SOX5: variants seen among roughly 807,000 people sequenced by gnomAD.
SOX5 encodes SRY-box transcription factor 5, also known as transcription factor SOX-5.
Under a neutral mutation model 92.0 loss-of-function variants are expected in SOX5, and 9 were observed. The ratio of observed to expected loss-of-function variants is 0.10; its 90% CI spans 0.06 to 0.17. The LOEUF (loss-of-function observed/expected upper bound fraction) is 0.17, where lower values mean the gene tolerates loss of function less well. SOX5 is among the 10% of genes least tolerant of loss of function. The probability of loss-of-function intolerance (pLI) is 1.00; values close to 1 mark genes in which losing one functional copy is unlikely to be tolerated. For synonymous variants in SOX5, 344 were observed against 336.3 expected (o/e 1.02, Z -0.25); for missense variants, 642 against 944.5 (o/e 0.68, Z 4.20).
At chr12:24,526,520 T>TTTCTTTC in intron 1 of SOX5, among the ~76,000 whole-genome samples, 1 of 152,194 alleles carries the variant, frequency 6.6e-6, no homozygotes, top group Non-Finnish European at 1.5e-5. Context: ...CAAGAAGTTC[T>TTTCTTTC]CTTTCTTGTT....
chr12:24,413,339 G>T (rs1472290974), intron 1 of SOX5, among the ~76,000 whole-genome samples: 1 of 152,086 alleles, frequency 6.6e-6, no homozygotes, highest in Admixed American at 6.5e-5. Context: ...TTGCTCAAAA[G>T]AATATTATAT....
At chr12:24,548,464 G>T (rs1036925727) in intron 1 of SOX5, among the ~76,000 whole-genome samples, 1 of 152,160 alleles carries the variant, frequency 6.6e-6, no homozygotes, top group African/African-American at 2.4e-5. Context: ...ACAAAAGGAA[G>T]ACATAAAGAG....
chr12:24,467,933 A>G (rs937047667), intron 1 of SOX5, among the ~76,000 whole-genome samples: 1 of 149,852 alleles, frequency 6.7e-6, no homozygotes, highest in African/African-American at 2.5e-5. Flanking sequence ...GTAGAAACTA[A>G]CTAGTCTGTG....
At chr12:24,218,412 AT>A (rs1253985852) in intron 3 of SOX5, among the ~76,000 whole-genome samples, 1 of 152,204 alleles carries the variant, frequency 6.6e-6, no homozygotes, top group African/African-American at 2.4e-5. Flanking sequence ...AGTATAAGAA[AT>A]GTCCAAAATA....
intron 3 of SOX5, among the ~76,000 whole-genome samples, chr12:23,826,727 G>C (rs952103129): frequency 6.6e-6 from 1 of 151,918 alleles, no homozygotes. Context: ...AAGGAAAACA[G>C]AACTCCAAAT....
intron 2 of SOX5, among the ~76,000 whole-genome samples, chr12:23,868,435 T>C (rs2096838281): frequency 6.6e-6 from 1 of 152,128 alleles, no homozygotes; most frequent in African/African-American, 2.4e-5. Context: ...GTAAGAAAAG[T>C]AGCAATATAG....
upstream of SOX5, among the ~76,000 whole-genome samples, chr12:23,953,068 T>C (rs1945862528): frequency 1.3e-5 from 2 of 152,164 alleles, no homozygotes; most frequent in East Asian, 3.8e-4. Flanking sequence ...ATACTGTATA[T>C]GATGGTTTAA....
At chr12:24,389,479 G>A (rs972434054) in intron 1 of SOX5, among the ~76,000 whole-genome samples, 1 of 152,138 alleles carries the variant, frequency 6.6e-6, no homozygotes, top group Non-Finnish European at 1.5e-5. Flanking sequence ...TTAGGTAAAC[G>A]TATGCCATGG....
chr12:24,370,635 T>C (rs1451027330), intron 1 of SOX5, among the ~76,000 whole-genome samples: 2 of 151,272 alleles, frequency 1.3e-5, no homozygotes, highest in African/African-American at 4.9e-5. Context: ...CTACTAAAAA[T>C]ACGAAAATTA....
At chr12:24,244,177 T>C (rs1008851076) in intron 3 of SOX5, among the ~76,000 whole-genome samples, 3 of 152,196 alleles carry the variant, frequency 2.0e-5, no homozygotes, top group African/African-American at 7.2e-5. Context: ...TGAACTTCTA[T>C]AACTTTGAGC....
chr12:24,151,229 G>C (rs1951622720), intron 4 of SOX5, among the ~76,000 whole-genome samples: 1 of 152,050 alleles, frequency 6.6e-6, no homozygotes. Context: ...ATGAGACCTG[G>C]TTAGAGGAGG....
rs1374208068 is a variant in SOX5, at chr12:24,298,533, G to C, written c.-173-21221C>G. Reference sequence around the variant, plus strand: ...TCAATGGAGATGAGTAATAGGGCCAGGTATTAGTTATGTAGAAATGTTATA... The same window carrying C: ...TCAATGGAGATGAGTAATAGGGCCACGTATTAGTTATGTAGAAATGTTATA... On this transcript the variant is annotated intron_variant, in intron 2 of 4. Transcript: ENST00000446891. 2.6e-5 allele frequency among the ~76,000 whole-genome samples: 4 copies of C among 152,054 alleles called. No individual in the cohort carries two copies. In the East Asian group the frequency reaches 7.7e-4, roughly 29 times the overall value.
chr12:24,230,601 G>GGA (rs1259814775), intron 3 of SOX5: 1 of 152,190 alleles, frequency 6.6e-6, no homozygotes, highest in Non-Finnish European at 1.5e-5. Flanking sequence ...CTCCGAGGAA[G>GGA]GAGAGAGAGA....
intron 7 of SOX5, among the ~76,000 whole-genome samples, chr12:23,645,677 A>C (rs2080742414): frequency 6.6e-6 from 1 of 152,224 alleles, no homozygotes; most frequent in Non-Finnish European, 1.5e-5. Context: ...TTATTCCATA[A>C]AATTTAAAAA....
chr12:24,136,462 C>T (rs2138582964), intron 4 of SOX5, among the ~76,000 whole-genome samples: 1 of 152,362 alleles, frequency 6.6e-6, no homozygotes, highest in Non-Finnish European at 1.5e-5. Flanking sequence ...TCATTACTAG[C>T]TATGTAACTT....
chr12:24,482,499 A>G (rs1295905547), intron 1 of SOX5, among the ~76,000 whole-genome samples: 1 of 152,196 alleles, frequency 6.6e-6, no homozygotes, highest in Non-Finnish European at 1.5e-5. Context: ...ACCAGTGTAA[A>G]GATGTAGTTG....
intron 4 of SOX5, among the ~76,000 whole-genome samples, chr12:24,115,565 G>T (rs890207685): frequency 1.3e-5 from 2 of 152,272 alleles, no homozygotes. Flanking sequence ...CTCCCTGTTG[G>T]GGGAGGGAAG....
At chr12:24,462,235 T>C (rs1943716159) in intron 1 of SOX5, among the ~76,000 whole-genome samples, 1 of 152,208 alleles carries the variant, frequency 6.6e-6, no homozygotes, top group African/African-American at 2.4e-5. Context: ...TACTGAATAC[T>C]GTAGGCAATT....
intron 1 of SOX5, among the ~76,000 whole-genome samples, chr12:24,545,293 T>C (rs1407226305): frequency 6.6e-6 from 1 of 152,220 alleles, no homozygotes; most frequent in African/African-American, 2.4e-5. Context: ...AGGTTGTATT[T>C]GTTAATCCAA....
Sources: gnomAD v4.1 joint callset for allele counts (sites outside exome capture counted in the v4.1 genomes callset) on GRCh38, gnomAD v4.1.1 for gene constraint, MANE v1.5 for transcripts, NCBI Gene and HGNC (gene_info 2026-07-23, HGNC 2026-07-21) for gene names.